Variants in TUT4 observed in about 807,000 individuals in gnomAD.
The protein encoded by TUT4 is terminal uridylyl transferase 4.
In TUT4, 36 loss-of-function variants were observed where a neutral mutation model predicts 192.2. The ratio of observed to expected loss-of-function variants is 0.19; its 90% CI spans 0.14 to 0.25. The LOEUF is 0.25. TUT4 is among the 10% of genes least tolerant of loss of function. The pLI, the probability that TUT4 is intolerant of heterozygous loss-of-function variation, is 1.00. For synonymous variants in TUT4, 618 were observed against 666.0 expected (o/e 0.93, Z 1.11); for missense variants, 1,493 against 1,957.2 (o/e 0.76, Z 4.47).
At chr1:52,445,077 T>C (rs1657147910) in intron 24 of TUT4, among the ~76,000 whole-genome samples, 1 of 151,576 alleles carries the variant, frequency 6.6e-6, no homozygotes, top group Admixed American at 6.6e-5. Flanking sequence ...AATAGGATTA[T>C]ATATATCCTA....
intron 20 of TUT4, among the ~76,000 whole-genome samples, chr1:52,452,039 G>A (rs1290052330): frequency 6.6e-6 from 1 of 151,370 alleles, no homozygotes; most frequent in African/African-American, 2.4e-5. Flanking sequence ...CGAAGAATGA[G>A]TTAGGAAGTG....
intron 13 of TUT4, among the ~76,000 whole-genome samples, chr1:52,474,465 A>T (rs1053882068): frequency 6.6e-6 from 1 of 152,170 alleles, no homozygotes; most frequent in African/African-American, 2.4e-5. Flanking sequence ...TGGGGGGGGA[A>T]GAAAAATTTT....
At chr1:52,436,620 ATC>A in intron 26 of TUT4, 133 bp downstream of exon 26, 5 of 1,372,604 alleles carry the variant, frequency 3.6e-6, no homozygotes, top group Non-Finnish European at 4.9e-6. Flanking sequence ...TCTAAATTTT[ATC>A]TCTTTAAGAA....
chr1:52,509,986 T>G (rs1415903668), intron 3 of TUT4, among the ~76,000 whole-genome samples: 2 of 152,156 alleles, frequency 1.3e-5, no homozygotes, highest in Non-Finnish European at 2.9e-5. Flanking sequence ...ATGTTTAATA[T>G]TCACCTACTA....
chr1:52,435,932 T>A (rs78157739), intron 26 of TUT4, among the ~76,000 whole-genome samples: 3,125 of 150,922 alleles, frequency 0.021, 43 homozygotes, highest in Non-Finnish European at 0.031. Context: ...TCTCTCTCTC[T>A]CACACACACA....
intron 11 of TUT4, among the ~76,000 whole-genome samples, chr1:52,478,968 T>G (rs1455521241): frequency 6.6e-6 from 1 of 152,042 alleles, no homozygotes; most frequent in African/African-American, 2.4e-5. Flanking sequence ...GTAAATTACA[T>G]AGTAACTTAA....
chr1:52,426,715 G>T (rs1006118774), intron 28 of TUT4, among the ~76,000 whole-genome samples: 1 of 152,234 alleles, frequency 6.6e-6, no homozygotes, highest in African/African-American at 2.4e-5. Context: ...AAGTGAAACT[G>T]GTATATCCAG....
At chr1:52,490,867 T>G (rs1670981580) in intron 7 of TUT4, 66 bp from the exon 8 acceptor site, 1 of 1,256,602 alleles carries the variant, frequency 8.0e-7, no homozygotes, top group Admixed American at 2.3e-5. Context: ...ACAGTAAACA[T>G]TAAGTAACAG....
At chr1:52,432,399 AAAG>A (rs1411670206) in intron 27 of TUT4, 1 of 152,176 alleles carries the variant, frequency 6.6e-6, no homozygotes, top group African/African-American at 2.4e-5. Flanking sequence ...TTGGAATCTG[AAAG>A]AAGTTTAATA....
intron 12 of TUT4, among the ~76,000 whole-genome samples, chr1:52,477,364 G>C (rs1667368477): frequency 6.6e-6 from 1 of 152,102 alleles, no homozygotes; most frequent in Non-Finnish European, 1.5e-5. Flanking sequence ...TTGGGGCCAA[G>C]AGTTCCAGAC....
chr1:52,445,723 CAATT>C, intron 24 of TUT4, 60 bp downstream of exon 24: 2 of 1,251,932 alleles, frequency 1.6e-6, no homozygotes, highest in Non-Finnish European at 2.3e-6. Context: ...TTTGGAAACA[CAATT>C]AAGTTTCTTG....
At chr1:52,490,297 C>T (rs1235191520) in intron 8 of TUT4, among the ~76,000 whole-genome samples, 1 of 151,866 alleles carries the variant, frequency 6.6e-6, no homozygotes, top group Non-Finnish European at 1.5e-5. Context: ...ACCACAGGCA[C>T]ACACACCCAC....
chr1:52,474,945 T>A lies in TUT4; in HGVS notation c.2614A>T (p.Thr872Ser). Residue 872 changes from threonine to serine, a missense_variant, in exon 13 of 30, where the codon ACC becomes TCC. Thr to Ser is a moderately conservative substitution (Grantham distance 58). Around this residue, in one of 7 missense-constraint regions of TUT4, gnomAD observed 245 missense variants for 218.4 expected, o/e 1.12. Transcript: ENST00000257177. ...HQSVCTDTSATSCNCKATEDA... is the reference protein window; with the variant it reads ...HQSVCTDTSASSCNCKATEDA... The stretch of plus-strand genomic sequence containing the variant: ...TCTGTAGCTTTGCAGTTGCAAGAGG[T>A]AGCAGATGTGTCGGTGCACACACTC... 6.2e-7 allele frequency: 1 copy of A among 1,614,184 alleles called. No individual in the cohort carries two copies. Among genetic ancestry groups the A allele is most frequent in the South Asian group, 1.1e-5 (1 of 91,086 alleles).
intron 1 of TUT4, among the ~76,000 whole-genome samples, chr1:52,546,310 T>C (rs538656293): frequency 1.3e-5 from 2 of 152,260 alleles, no homozygotes; most frequent in Admixed American, 1.3e-4. Flanking sequence ...TGTCTACTCA[T>C]AGACAAAGGG....
intron 28 of TUT4, among the ~76,000 whole-genome samples, chr1:52,425,858 A>C (rs545436689): frequency 2.7e-4 from 41 of 150,996 alleles, no homozygotes; most frequent in African/African-American, 8.5e-4. Context: ...AATTTAGGCA[A>C]AATAGGGAGG....
chr1:52,491,514 C>T (rs1375734532), intron 7 of TUT4, among the ~76,000 whole-genome samples: 3 of 151,914 alleles, frequency 2.0e-5, no homozygotes, highest in African/African-American at 7.3e-5. Flanking sequence ...ATGGTGAAAC[C>T]TCGTCTCTAC....
At chr1:52,529,893 G>T (rs1363604260) in intron 1 of TUT4, 1 of 152,060 alleles carries the variant, frequency 6.6e-6, no homozygotes, top group Admixed American at 6.6e-5. Context: ...AGGTTGGGGG[G>T]TAAAGTGGCA....
In TUT4 at chr1:52,425,177, A is replaced by G. The variant is rs1649426753; in HGVS notation, c.4870+172T>C. 3 of 656,538 alleles carry G rather than the reference A, an allele frequency of 4.6e-6. No homozygotes were observed. The Admixed American group carries it at 9.9e-5, about 22-fold the overall frequency. The allele number at this position is 656,538 out of a possible 1,614,324, so 40.7% of individuals were successfully genotyped here. On this transcript the variant is annotated intron_variant, in intron 29 of 29. Coordinates refer to ENST00000257177, the MANE Select transcript of TUT4 (RefSeq NM_001009881.3). ...TTCCTAATAAAGTGTGCATCAAGTA[A>G]TGGAGATTTTGTTTTACAAGCACCT...
intron 4 of TUT4, 133 bp downstream of exon 4, chr1:52,509,463 T>C (rs544907166): frequency 2.4e-5 from 15 of 630,068 alleles, no homozygotes; most frequent in Admixed American, 1.8e-4. Context: ...CAACAATTGC[T>C]TCCAAAGCTA....
Sources: allele counts gnomAD v4.1 joint callset (sites outside exome capture counted in the v4.1 genomes callset), GRCh38; gene constraint gnomAD v4.1.1; regional missense constraint gnomAD v4.1.1; transcripts MANE v1.5; gene names NCBI Gene and HGNC (gene_info 2026-07-23, HGNC 2026-07-21).